SPAG16: variants seen among roughly 807,000 people sequenced by gnomAD.
The protein encoded by SPAG16 is sperm associated antigen 16, also known as sperm-associated antigen 16 protein.
Under a neutral mutation model 80.4 loss-of-function variants are expected in SPAG16, and 86 were observed. That is an observed-to-expected ratio of 1.07 (90% CI 0.90 to 1.28). The LOEUF (loss-of-function observed/expected upper bound fraction) is 1.28. Among genes scored for constraint, SPAG16 ranks in the 50% most tolerant of loss-of-function variants. The pLI is 0.00. For synonymous variants in SPAG16, 294 were observed against 265.9 expected (o/e 1.11, Z -1.03); for missense variants, 870 against 765.3 (o/e 1.14, Z -1.61).
Position 213,805,247 on chromosome 2 carries a change from A to G in SPAG16, c.1071-57238A>G, listed in dbSNP as rs573133557. 3.3e-5 allele frequency among the ~76,000 whole-genome samples: 5 copies of G among 152,272 alleles called. No homozygotes were observed. The South Asian group carries it at 8.3e-4, about 25-fold the overall frequency. ...CTCCCAGGTAAACACCAGCAGTTTG[A>G]TTTGATTGTCAGATGACACCAAGAA... On this transcript the variant is annotated intron_variant, in intron 10 of 15. Coordinates refer to ENST00000331683, the MANE Select transcript of SPAG16 (RefSeq NM_024532.5).
intron 15 of SPAG16, among the ~76,000 whole-genome samples, chr2:214,402,637 T>C (rs1466438151): frequency 2.6e-5 from 4 of 151,994 alleles, no homozygotes; most frequent in Admixed American, 2.6e-4. Context: ...ATATCAAAAA[T>C]TAAATGACAA....
intron 9 of SPAG16, among the ~76,000 whole-genome samples, chr2:213,433,810 T>C (rs2070448294): frequency 6.6e-6 from 1 of 151,014 alleles, no homozygotes; most frequent in African/African-American, 2.4e-5. Context: ...GCAAAAAGAA[T>C]AAAACTGGAG....
At chr2:213,594,187 C>G (rs933459920) in intron 10 of SPAG16, among the ~76,000 whole-genome samples, 1 of 152,148 alleles carries the variant, frequency 6.6e-6, no homozygotes, top group Non-Finnish European at 1.5e-5. Flanking sequence ...AGACCCTCAT[C>G]ATACCTAGCA....
intron 10 of SPAG16, among the ~76,000 whole-genome samples, chr2:213,547,791 A>T (rs1349135169): frequency 6.6e-6 from 1 of 152,172 alleles, no homozygotes; most frequent in African/African-American, 2.4e-5. Flanking sequence ...TATGCAAACA[A>T]GCTTGAACAT....
chr2:214,149,339 C>G (rs1321389344), intron 15 of SPAG16, 73 bp downstream of exon 15: 4 of 1,310,014 alleles, frequency 3.1e-6, no homozygotes, highest in Non-Finnish European at 4.0e-6. Context: ...TATTTTGTTT[C>G]TCCTTAAATG....
intron 10 of SPAG16, among the ~76,000 whole-genome samples, chr2:213,499,312 C>T (rs554997584): frequency 2.0e-5 from 3 of 152,202 alleles, no homozygotes; most frequent in Admixed American, 2.0e-4. Context: ...ATAGAAAATG[C>T]ATAATACAGG....
rs774838792 is a variant in SPAG16, at chr2:214,154,466, T to C, written c.1720+5200T>C. On this transcript the variant is annotated intron_variant, in intron 15 of 15. Coordinates refer to ENST00000331683, the MANE Select transcript of SPAG16 (RefSeq NM_024532.5). ...TAGAAATCCCAAAATGGGACGAAAA[T>C]ATGACTCCATTCAAAATGCAAAAAG... 9.4e-5 allele frequency among the ~76,000 whole-genome samples: 14 copies of C among 149,526 alleles called. No individual in the cohort carries two copies. In the Admixed American group the frequency reaches 9.4e-4, roughly 10 times the overall value.
intron 15 of SPAG16, among the ~76,000 whole-genome samples, chr2:214,319,493 G>C (rs1443512759): frequency 5.9e-5 from 4 of 67,980 alleles, no homozygotes; most frequent in African/African-American, 2.5e-4. Context: ...GAGGCAGAAA[G>C]ATCCACTGGA....
chr2:213,691,134 G>C (rs1416425311), intron 10 of SPAG16, among the ~76,000 whole-genome samples: 1 of 152,018 alleles, frequency 6.6e-6, no homozygotes, highest in Admixed American at 6.6e-5. Flanking sequence ...TCAAACCATA[G>C]CACTCTTCAA....
intron 13 of SPAG16, among the ~76,000 whole-genome samples, chr2:214,066,980 A>T (rs2050560624): frequency 6.6e-6 from 1 of 152,180 alleles, no homozygotes; most frequent in Non-Finnish European, 1.5e-5. Context: ...TCCTTCACCC[A>T]GTATGCTCTC....
intron 10 of SPAG16, among the ~76,000 whole-genome samples, chr2:213,786,164 T>G (rs2070331362): frequency 1.3e-5 from 2 of 152,220 alleles, no homozygotes; most frequent in Admixed American, 1.3e-4. Context: ...TATATGCTCC[T>G]CATTCTCTAT....
At chr2:214,108,479 A>ACACAC (rs71409874) in intron 14 of SPAG16, among the ~76,000 whole-genome samples, 174 of 52,392 alleles carry the variant, frequency 3.3e-3, no homozygotes, top group African/African-American at 0.012. Flanking sequence ...ACACACACAC[A>ACACAC]CCCCCACACA....
chr2:214,338,210 A>G (rs1697430435), intron 15 of SPAG16, among the ~76,000 whole-genome samples: 1 of 152,210 alleles, frequency 6.6e-6, no homozygotes, highest in Non-Finnish European at 1.5e-5. Flanking sequence ...TATTTCCTGT[A>G]ACTTTTAAGA....
intron 12 of SPAG16, among the ~76,000 whole-genome samples, chr2:213,953,212 A>C (rs1018156337): frequency 6.6e-6 from 1 of 152,044 alleles, no homozygotes; most frequent in Non-Finnish European, 1.5e-5. Flanking sequence ...AAATATACTT[A>C]ATACTTCAAA....
In SPAG16 at chr2:214,232,653, C is replaced by T. The variant is rs115956215; in HGVS notation, c.1720+83387C>T. Among the ~76,000 whole-genome samples, 756 of 151,990 alleles carry T rather than the reference C, an allele frequency of 5.0e-3. 5 individuals are homozygous for T. Among genetic ancestry groups the T allele is most frequent in the African/African-American group, 0.017 (715 of 41,478 alleles). On this transcript the variant is annotated intron_variant, in intron 15 of 15. Coordinates refer to ENST00000331683, the MANE Select transcript of SPAG16 (RefSeq NM_024532.5). ...TAAAAGTGCCAAATGCATGTTTGGA[C>T]AGTAGTTCATTTTAAATTTCTTTAA...
chr2:213,862,260 A>T (rs1361356555), intron 10 of SPAG16, among the ~76,000 whole-genome samples: 1 of 152,172 alleles, frequency 6.6e-6, no homozygotes, highest in South Asian at 2.1e-4. Context: ...GCAAATGAGG[A>T]ATCCGAGATC....
At chr2:213,691,365 G>C (rs1278517486) in intron 10 of SPAG16, among the ~76,000 whole-genome samples, 1 of 152,052 alleles carries the variant, frequency 6.6e-6, no homozygotes, top group South Asian at 2.1e-4. Flanking sequence ...TAGCTGTCAG[G>C]GTGCTCACTC....
intron 15 of SPAG16, among the ~76,000 whole-genome samples, chr2:214,210,554 A>G (rs1220887483): frequency 1.3e-5 from 2 of 152,112 alleles, no homozygotes; most frequent in Non-Finnish European, 2.9e-5. Context: ...TACCCCATGC[A>G]TATTTCCAAA....
chr2:213,488,971 A>G (rs1221425923), intron 9 of SPAG16, among the ~76,000 whole-genome samples: 4 of 150,086 alleles, frequency 2.7e-5, no homozygotes, highest in Non-Finnish European at 5.9e-5. Flanking sequence ...GCTACGCAGG[A>G]GGCTGAGGCA....
Sources: gnomAD v4.1 joint callset for allele counts (sites outside exome capture counted in the v4.1 genomes callset) on GRCh38, gnomAD v4.1.1 for gene constraint, MANE v1.5 for transcripts, NCBI Gene and HGNC (gene_info 2026-07-23, HGNC 2026-07-21) for gene names.